Variants in GALNT13 observed in about 807,000 individuals in gnomAD.
GALNT13 encodes polypeptide N-acetylgalactosaminyltransferase 13, also known as UDP-GalNAc:polypeptide N-acetylgalactosaminyltransferase 13.
In GALNT13, 28 loss-of-function variants were observed where a neutral mutation model predicts 64.2. The ratio of observed to expected loss-of-function variants is 0.44; its 90% CI spans 0.32 to 0.60. The LOEUF is 0.60. Ranked by LOEUF, GALNT13 falls within the 20% of genes least tolerant of loss-of-function variation. GALNT13 has a pLI of 0.05. For synonymous variants in GALNT13, 214 were observed against 224.6 expected, an observed-to-expected ratio of 0.95 and a Z score of 0.42; for missense variants, 577 against 669.8, an observed-to-expected ratio of 0.86 and a Z score of 1.53.
chr2:153,383,687 A>G, the GALNT13 span, among the ~76,000 whole-genome samples: 1 of 152,050 alleles, frequency 6.6e-6, no homozygotes, highest in Non-Finnish European at 1.5e-5. Context: ...CATATACCCT[A>G]AAAATAAATT....
chr2:153,134,824 C>T, the GALNT13 span, among the ~76,000 whole-genome samples: 7 of 152,018 alleles, frequency 4.6e-5, no homozygotes, highest in Non-Finnish European at 1.5e-5. Context: ...GTGATCAGCT[C>T]CTCCGTTTAA....
intron 3 of GALNT13, among the ~76,000 whole-genome samples, chr2:154,034,998 TATG>T (rs1338994056): frequency 3.9e-5 from 6 of 152,186 alleles, no homozygotes; most frequent in African/African-American, 1.2e-4. Context: ...TGGAAAAAAA[TATG>T]ATGCTGTCTC....
At chr2:154,140,632 A>G (rs1683207830) in intron 4 of GALNT13, 127 bp downstream of exon 4, 4 of 589,438 alleles carry the variant, frequency 6.8e-6, no homozygotes, top group Non-Finnish European at 8.5e-6. Flanking sequence ...ATCACATAGC[A>G]GGAATTTATT....
intron 1 of GALNT13, among the ~76,000 whole-genome samples, chr2:153,873,814 GTCTCTCTCTCTTTC>G (rs1236983585): frequency 6.6e-6 from 1 of 151,770 alleles, no homozygotes; most frequent in Non-Finnish European, 1.5e-5. Context: ...GTCTCAGTCC[GTCTCTCTCTCTTTC>G]TCTCTCTCTC....
chr2:154,026,523 TG>T (rs1697976235), intron 3 of GALNT13, among the ~76,000 whole-genome samples: 1 of 152,212 alleles, frequency 6.6e-6, no homozygotes, highest in Non-Finnish European at 1.5e-5. Flanking sequence ...TTTTAGGATC[TG>T]GAAGTCTGAG....
At chr2:154,395,970 T>G (rs748716730) in intron 9 of GALNT13, 21 bp from the exon 10 acceptor site, 1 of 1,577,146 alleles carries the variant, frequency 6.3e-7, no homozygotes, top group Non-Finnish European at 8.6e-7. Flanking sequence ...AACTGATTTG[T>G]GTTTCTCTGA....
intron 2 of GALNT13, among the ~76,000 whole-genome samples, chr2:153,925,193 A>T (rs1310949221): frequency 6.6e-6 from 1 of 151,972 alleles, no homozygotes; most frequent in African/African-American, 2.4e-5. Flanking sequence ...TTGGGTATGT[A>T]TTCACATATT....
the GALNT13 span, among the ~76,000 whole-genome samples, chr2:153,310,378 T>TCAA: frequency 6.6e-6 from 1 of 152,176 alleles, no homozygotes; most frequent in Non-Finnish European, 1.5e-5. Context: ...AGCTGACCCT[T>TCAA]CAACAATATG....
intron 8 of GALNT13, among the ~76,000 whole-genome samples, chr2:154,298,920 G>T (rs2105086871): frequency 7.9e-6 from 1 of 126,450 alleles, no homozygotes; most frequent in East Asian, 2.2e-4. Flanking sequence ...AATCTTAATT[G>T]TCTTTCTGCT....
At chr2:153,273,335 G>A in the GALNT13 span, among the ~76,000 whole-genome samples, 6 of 152,156 alleles carry the variant, frequency 3.9e-5, no homozygotes, top group Admixed American at 3.3e-4. Flanking sequence ...TAGGTTATAT[G>A]AGGTGAAAGT....
chr2:153,871,282 GCT>G (rs1685909204), upstream of GALNT13, among the ~76,000 whole-genome samples: 1 of 152,198 alleles, frequency 6.6e-6, no homozygotes, highest in Admixed American at 6.5e-5. Flanking sequence ...ACAAGGAAGC[GCT>G]CTGTGTTTCC....
At chr2:154,297,475 G>C (rs1692993808) in intron 8 of GALNT13, among the ~76,000 whole-genome samples, 1 of 152,166 alleles carries the variant, frequency 6.6e-6, no homozygotes, top group Admixed American at 6.5e-5. Context: ...ATCCTTATAA[G>C]AAGAGAAAGA....
At chr2:153,350,367 G>T in the GALNT13 span, among the ~76,000 whole-genome samples, 1 of 146,228 alleles carries the variant, frequency 6.8e-6, no homozygotes, top group African/African-American at 2.6e-5. Flanking sequence ...ATTTATGCAT[G>T]GTCTGTTTCT....
the GALNT13 span, among the ~76,000 whole-genome samples, chr2:153,706,875 G>A: frequency 1.7e-4 from 26 of 152,170 alleles, no homozygotes; most frequent in Admixed American, 1.3e-4. Flanking sequence ...GTAACTTGAG[G>A]AAAACAAGAC....
chr2:154,387,996 T>C (rs1436073844), intron 9 of GALNT13, among the ~76,000 whole-genome samples: 1 of 152,166 alleles, frequency 6.6e-6, no homozygotes, highest in Admixed American at 6.6e-5. Context: ...GGAAGCTCCA[T>C]ACCACTTTTA....
chr2:153,649,761 A>G, the GALNT13 span, among the ~76,000 whole-genome samples: 11 of 151,844 alleles, frequency 7.2e-5, no homozygotes, highest in East Asian at 1.9e-4. Flanking sequence ...CAGTTTCCAT[A>G]TAGTTGAGCG....
At chr2:154,113,525 C>T (rs1433491055) in intron 3 of GALNT13, among the ~76,000 whole-genome samples, 1 of 152,194 alleles carries the variant, frequency 6.6e-6, no homozygotes, top group African/African-American at 2.4e-5. Flanking sequence ...TTATCTTTCA[C>T]CTTAGGAGGA....
intron 2 of GALNT13, among the ~76,000 whole-genome samples, chr2:153,922,158 G>A (rs1055151818): frequency 5.9e-5 from 9 of 152,140 alleles, no homozygotes; most frequent in Admixed American, 5.2e-4. Context: ...CTGAATGGAT[G>A]TGGGAAATCA....
chr2:153,436,893 C>T, the GALNT13 span, among the ~76,000 whole-genome samples: 2 of 152,060 alleles, frequency 1.3e-5, no homozygotes, highest in Admixed American at 6.6e-5. Flanking sequence ...GCTCTTGCTT[C>T]TGTAGTTCTT....
Sources: allele counts gnomAD v4.1 joint callset (sites outside exome capture counted in the v4.1 genomes callset), GRCh38; gene constraint gnomAD v4.1.1; transcripts MANE v1.5; gene names NCBI Gene and HGNC (gene_info 2026-07-23, HGNC 2026-07-21).